The following KIF18B variants were observed in gnomAD, a reference collection of about 807,000 sequenced individuals.
KIF18B encodes kinesin family member 18B.
A neutral mutation model predicts 80.9 loss-of-function variants in KIF18B; 49 were observed. The observed-to-expected ratio is 0.61, with a 90% confidence interval of 0.48 to 0.77. The LOEUF is 0.77. Ranked by LOEUF, KIF18B falls within the 30% of genes least tolerant of loss-of-function variation. The pLI, the probability that KIF18B is intolerant of heterozygous loss-of-function variation, is 0.00. For missense variants in KIF18B, 994 were observed against 1,127.7 expected, an observed-to-expected ratio of 0.88 and a Z score of 1.70; for synonymous variants, 439 against 463.9, an observed-to-expected ratio of 0.95 and a Z score of 0.69.
intron 1 of KIF18B, among the ~76,000 whole-genome samples, chr17:44,946,307 C>G (rs534775751): frequency 6.6e-6 from 1 of 151,858 alleles, no homozygotes; most frequent in South Asian, 2.1e-4. Context: ...AATATAAAGA[C>G]CAACATCTTA....
At chr17:44,935,769 C>G (rs567156042) in intron 2 of KIF18B, among the ~76,000 whole-genome samples, 1 of 152,128 alleles carries the variant, frequency 6.6e-6, no homozygotes, top group Non-Finnish European at 1.5e-5. Flanking sequence ...GTGTCTTCTC[C>G]CCTCTAGACT....
chr17:44,926,417 G>A lies in KIF18B; in HGVS notation c.2449C>T (p.Pro817Ser). Residue 817 changes from proline to serine, a missense_variant, in exon 15 of 16, where the codon CCA (proline) becomes TCA (serine). Coordinates refer to ENST00000593135, the MANE Select transcript of KIF18B (RefSeq NM_001265577.2). ...CCCTGTCCCTAGTGCCAGTCACCTGGGAGTACAAGGGGCCCAGCTGGCCTC... is the reference window on the plus strand; with the variant it reads ...CCCTGTCCCTAGTGCCAGTCACCTGAGAGTACAAGGGGCCCAGCTGGCCTC... The part of the protein sequence containing the change: ...LKRPAGPLVL[P>S]ELPLSPLCPS... 1 of 1,572,154 alleles carries A rather than the reference G, an allele frequency of 6.4e-7. No homozygotes were observed. Among genetic ancestry groups the A allele is most frequent in the Non-Finnish European group, 8.6e-7 (1 of 1,158,842 alleles).
chr17:44,942,785 A>G (rs893896245), intron 1 of KIF18B, among the ~76,000 whole-genome samples: 5 of 152,246 alleles, frequency 3.3e-5, no homozygotes, highest in African/African-American at 4.8e-5. Context: ...GCTAACATTT[A>G]CTTAGTGCTT....
Position 44,936,297 on chromosome 17 carries a change from G to A in KIF18B, c.48C>T (p.Pro16=), listed in dbSNP as rs759826992. 5.6e-6 allele frequency: 9 copies of A among 1,610,378 alleles called. No homozygotes were observed. The Admixed American group carries it at 1.5e-4, about 27-fold the overall frequency. ...GACTGTCCAGCTCCCGAGGGGTGGG[G>A]GGCCGCACCCGTACCACTACTTGCA... The part of the protein sequence containing the change: ...STLQVVVRVR[P]PTPRELDSQR... Residue 16 remains proline, a synonymous_variant, in exon 2 of 16, where the codon CCC becomes CCT. Transcript: ENST00000593135.
rs770704894 is a variant in KIF18B, at chr17:44,928,486, T to C, written c.1816A>G (p.Thr606Ala). 15 of 1,516,950 alleles carry C rather than the reference T, an allele frequency of 9.9e-6. No individual in the cohort carries two copies. The Middle Eastern group carries it at 5.1e-4, about 52-fold the overall frequency. 94.0% of individuals were successfully genotyped at this position (1,516,950 alleles called of 1,614,324 possible). The change falls in exon 13 of 16, where the codon ACC becomes GCC. Residue 606 changes from threonine (T) to alanine (A), a missense_variant. Transcript: ENST00000593135. ...TTGGGTCCAGGCGGGATTCCCAGGG[T>C]GTGCAGGGGGCCACTCAGTCGCCTC... ...MARRLSGPLH[T>A]LGIPPGPNCT...
At chr17:44,930,160 A>C (rs2052116465) in intron 11 of KIF18B, among the ~76,000 whole-genome samples, 1 of 152,224 alleles carries the variant, frequency 6.6e-6, no homozygotes, top group Admixed American at 6.5e-5. Flanking sequence ...GAGGAAACTC[A>C]TTCTATATCT....
At chr17:44,930,842 G>A (rs1323887888) in intron 11 of KIF18B, among the ~76,000 whole-genome samples, 1 of 152,180 alleles carries the variant, frequency 6.6e-6, no homozygotes, top group East Asian at 1.9e-4. Context: ...GCCCTGGGCA[G>A]GACCTGATAA....
chr17:44,931,823 G>A, intron 10 of KIF18B, 94 bp from the exon 11 acceptor site: 1 of 1,499,788 alleles, frequency 6.7e-7, no homozygotes, highest in South Asian at 1.3e-5. Flanking sequence ...TACAAGAGTG[G>A]AAATGACAGC....
rs746970046 is a variant in KIF18B at position 44,934,897 on chromosome 17, C to T, written c.510G>A (p.Lys170=). ...GGTCCTCGCGGATGGCAAGGGGCCC[C>T]TTGGGCTCCAGGAGGTCATGGATCT... is the stretch of plus-strand genomic sequence containing the variant. ...NEQIHDLLEP[K]GPLAIREDPD... is the part of the protein sequence containing the mutation. The change falls in exon 4 of 16, where the codon AAG becomes AAA. Residue 170 remains lysine (K), a synonymous_variant. Transcript: ENST00000593135. The surrounding 1 kb of genome is among the most constrained non-coding windows in gnomAD (Gnocchi z 5.4). 1.6e-4 allele frequency: 245 copies of T among 1,551,998 alleles called. 1 individual carries two copies. Among genetic ancestry groups the T allele is most frequent in the South Asian group, 7.8e-4 (66 of 84,134 alleles).
chr17:44,935,445 C>A (rs1248476747), intron 2 of KIF18B, 29 bp from the exon 3 acceptor site: 2 of 1,562,084 alleles, frequency 1.3e-6, no homozygotes, highest in Non-Finnish European at 1.7e-6. Flanking sequence ...GGAGGAGGAC[C>A]CCAGTGCCTT....
Position 44,928,517 on chromosome 17 carries a change from A to G in KIF18B, c.1785T>C (p.Thr595=). The G allele has an allele frequency of 6.8e-7, 1 of 1,480,984 alleles. No individual in the cohort carries two copies. The highest frequency in any genetic ancestry group is 8.9e-7 in the Non-Finnish European group (1 of 1,121,350). 91.7% of individuals were successfully genotyped at this position (1,480,984 alleles called of 1,614,324 possible). Residue 595 remains threonine, a synonymous_variant, in exon 13 of 16, where the codon ACT becomes ACC. Coordinates refer to ENST00000593135, the MANE Select transcript of KIF18B (RefSeq NM_001265577.2). ...GGGGGCCACTCAGTCGCCTCGCCAT[A>G]GTCCGGGTCACAGGGCCAGTGTATC... is the stretch of plus-strand genomic sequence containing the variant. The part of the protein sequence containing the change: ...PPGYTGPVTR[T]MARRLSGPLH...
Position 44,927,022 on chromosome 17 carries a change from C to A in KIF18B, c.2333G>T (p.Gly778Val). The A allele has an allele frequency of 6.2e-7, 1 of 1,612,684 alleles. No homozygotes were observed. Reference protein sequence around the residue: ...KGPKPTSSLPGTSACKKKRVA... With the variant: ...KGPKPTSSLPVTSACKKKRVA... The stretch of plus-strand genomic sequence containing the variant: ...GCGCTTCTTCTTGCAGGCAGAGGTC[C>A]CAGGGAGGGAAGATGTTGGCTTGGG... The change falls in exon 14 of 16, where the codon GGG becomes GTG. Residue 778 changes from glycine to valine, a missense_variant. Physicochemically the swap from Gly to Val is moderately radical, Grantham distance 109 (BLOSUM62 -3). Coordinates refer to ENST00000593135, the MANE Select transcript of KIF18B (RefSeq NM_001265577.2). This position sits in a 1 kb window ranked among gnomAD's most constrained non-coding sequence, Gnocchi z 4.1.
chr17:44,935,009 G>C, intron 3 of KIF18B, 74 bp from the exon 4 acceptor site: 1 of 1,119,358 alleles, frequency 8.9e-7, no homozygotes, highest in Non-Finnish European at 1.3e-6. Flanking sequence ...GGCTGGACAG[G>C]GGAGCTGAGG....
chr17:44,945,172 C>T (rs1198453934), intron 1 of KIF18B, among the ~76,000 whole-genome samples: 1 of 152,170 alleles, frequency 6.6e-6, no homozygotes, highest in Non-Finnish European at 1.5e-5. Context: ...AAGATCCTCC[C>T]ACCTCAGTCT....
In KIF18B at chr17:44,932,705, T is replaced by C. The variant is rs1567790807; in HGVS notation, c.1206A>G (p.Pro402=). The change falls in exon 9 of 16, where the codon CCA becomes CCG. Residue 402 remains proline, a synonymous_variant. Coordinates refer to ENST00000593135, the MANE Select transcript of KIF18B (RefSeq NM_001265577.2). ...GTGGTGGTCCCGACTTGGGAGATCC[T>C]GGGAGGTCCTGTGGTGGGGGCTGGC... ...GGGQPPPQDL[P]GSPKSGPPPE... 6.2e-7 allele frequency: 1 copy of C among 1,612,662 alleles called. No individual in the cohort carries two copies. Among genetic ancestry groups the C allele is most frequent in the Admixed American group, 1.7e-5 (1 of 59,986 alleles).
In KIF18B at chr17:44,925,978, G is replaced by A. The variant is rs897945939; in HGVS notation, c.*102C>T. On this transcript the variant is annotated 3_prime_UTR_variant, in exon 16 of 16. Transcript: ENST00000593135. ...GCACTAATTGCTCCCAGGTAAGGAA[G>A]GCAGGTCCAGCTCCTGGTGCAGGTG... The A allele has an allele frequency of 4.0e-6, 5 of 1,239,684 alleles. No homozygotes were observed. The African/African-American group carries it at 6.0e-5, about 15-fold the overall frequency. 76.8% of individuals were successfully genotyped at this position (1,239,684 alleles called of 1,614,324 possible). A position where few individuals can be genotyped will look rare whatever the true frequency, so the allele number is the denominator to read the frequency against.
rs1380533746 is a variant in KIF18B, at chr17:44,928,146, T to G, written c.2156A>C (p.Asp719Ala). ...AGAGAGATCAAAGGTGGCATTGAGGTCTCGAGTGGGCAGAGCCAGCGGGGT... is the reference window on the plus strand; with the variant it reads ...AGAGAGATCAAAGGTGGCATTGAGGGCTCGAGTGGGCAGAGCCAGCGGGGT... The part of the protein sequence containing the change: ...CSTPLALPTR[D>A]LNATFDLSEE... The change falls in exon 13 of 16, where the codon GAC becomes GCC. Residue 719 changes from aspartate (D) to alanine (A), a missense_variant. Physicochemically the swap from Asp to Ala is moderately radical, Grantham distance 126. Coordinates refer to ENST00000593135, the MANE Select transcript of KIF18B (RefSeq NM_001265577.2). 1 of 1,607,020 alleles carries G rather than the reference T, an allele frequency of 6.2e-7. No homozygotes were observed. Among genetic ancestry groups the G allele is most frequent in the Non-Finnish European group, 8.5e-7 (1 of 1,176,680 alleles).
chr17:44,942,631 C>T (rs138469620), intron 1 of KIF18B, among the ~76,000 whole-genome samples: 97 of 152,364 alleles, frequency 6.4e-4, no homozygotes, highest in Middle Eastern at 3.4e-3. Flanking sequence ...AAGAGGAGGA[C>T]CTTCTTCTGA....
chr17:44,933,828 G>C lies in KIF18B; in HGVS notation c.1062+95C>G, dbSNP rs535731538. 4 of 1,204,836 alleles carry C rather than the reference G, an allele frequency of 3.3e-6. No homozygotes were observed. The South Asian group carries it at 6.0e-5, about 18-fold the overall frequency. 74.6% of individuals were successfully genotyped at this position (1,204,836 alleles called of 1,614,324 possible). ...TCCTTCCTCTGCCTTGGGGACACTT[G>C]GCCCAGGGATCTATTGGAGCTGCCT... On this transcript the variant is annotated intron_variant, in intron 7 of 15. Transcript: ENST00000593135.
Sources: gnomAD v4.1 joint callset for allele counts (sites outside exome capture counted in the v4.1 genomes callset) on GRCh38, gnomAD v4.1.1 for gene constraint, Gnocchi (gnomAD v3.1) non-coding constraint, MANE v1.5 for transcripts, NCBI Gene and HGNC (gene_info 2026-07-23, HGNC 2026-07-21) for gene names.